CHL1: variants seen among roughly 807,000 people sequenced by gnomAD.
CHL1 encodes the protein cell adhesion molecule L1 like.
Under a neutral mutation model 141.9 loss-of-function variants are expected in CHL1, and 96 were observed. The ratio of observed to expected loss-of-function variants is 0.68; its 90% CI spans 0.57 to 0.80. The LOEUF is 0.80. Among genes scored for constraint, CHL1 ranks in the 30% least tolerant of loss-of-function variants. The pLI, the probability that CHL1 is intolerant of heterozygous loss-of-function variation, is 0.00. For missense variants in CHL1, 1,820 were observed against 1,457.2 expected (o/e 1.25, Z -4.05); for synonymous variants, 613 against 502.2 (o/e 1.22, Z -2.95).
chr3:405,459 A>G, intron 27 of CHL1, 36 bp from the exon 28 acceptor site: 1 of 1,359,592 alleles, frequency 7.4e-7, no homozygotes, highest in Non-Finnish European at 1.0e-6. Flanking sequence ...TTAATATTAG[A>G]TTTTGTTGAG....
intron 2 of CHL1, among the ~76,000 whole-genome samples, chr3:297,100 C>T (rs1001164023): frequency 6.6e-6 from 1 of 151,992 alleles, no homozygotes; most frequent in Non-Finnish European, 1.5e-5. Flanking sequence ...GTGGTGCGCA[C>T]CTGTAGTCCC....
intron 1 of CHL1, among the ~76,000 whole-genome samples, chr3:235,963 C>T (rs916600671): frequency 6.6e-6 from 1 of 152,154 alleles, no homozygotes; most frequent in Non-Finnish European, 1.5e-5. Flanking sequence ...TTTTAAGTTT[C>T]ATGATTTGGT....
chr3:284,980 C>T (rs78727710), intron 2 of CHL1, among the ~76,000 whole-genome samples: 4,362 of 152,140 alleles, frequency 0.029, 93 homozygotes, highest in Non-Finnish European at 0.041. Context: ...ATGAATATTT[C>T]CCTTATAAAT....
intron 2 of CHL1, among the ~76,000 whole-genome samples, chr3:273,344 G>A (rs1695805880): frequency 6.6e-6 from 1 of 152,144 alleles, no homozygotes; most frequent in African/African-American, 2.4e-5. Context: ...CCAAAGGAGA[G>A]TTCCTTACCC....
chr3:205,445 A>G lies in CHL1; in HGVS notation c.-175+8382A>G, dbSNP rs558141778. ...TCCTTTTTTGGAAGAAAAGAGCAAC[A>G]TTGTATAACTGATAGTGAATTGTTT... On this transcript the variant is annotated intron_variant, in intron 1 of 27. Coordinates refer to ENST00000256509, the MANE Select transcript of CHL1 (RefSeq NM_006614.4). 2.6e-5 allele frequency among the ~76,000 whole-genome samples: 4 copies of G among 152,254 alleles called. No homozygotes were observed. In the South Asian group the frequency reaches 8.3e-4, roughly 32 times the overall value.
chr3:215,868 A>G (rs1423340133), intron 1 of CHL1, among the ~76,000 whole-genome samples: 1 of 152,082 alleles, frequency 6.6e-6, no homozygotes, highest in South Asian at 2.1e-4. Context: ...AGTGAAATTT[A>G]TTTCTGAGTT....
In CHL1 at chr3:328,362, C is replaced by G; in HGVS notation, c.385+8C>G. 2 of 1,596,670 alleles carry G rather than the reference C, an allele frequency of 1.3e-6. No individual in the cohort carries two copies. The highest frequency in any genetic ancestry group is 1.7e-6 in the Non-Finnish European group (2 of 1,170,614). On this transcript the variant is annotated splice_region_variant and intron_variant, in intron 5 of 27. Coordinates refer to ENST00000256509, the MANE Select transcript of CHL1 (RefSeq NM_006614.4). ...TAGAATTTATAGTTCCAAGTAAGTACTATAACGGGAATTTCATTTTACAAG... is the reference window on the plus strand; with the variant it reads ...TAGAATTTATAGTTCCAAGTAAGTAGTATAACGGGAATTTCATTTTACAAG...
intron 10 of CHL1, among the ~76,000 whole-genome samples, chr3:354,335 T>G (rs1211851050): frequency 6.6e-6 from 1 of 152,146 alleles, no homozygotes; most frequent in Non-Finnish European, 1.5e-5. Context: ...CATTTTTTCC[T>G]AGTGGGGTAG....
intron 15 of CHL1, among the ~76,000 whole-genome samples, chr3:374,522 A>G (rs1479327839): frequency 6.6e-6 from 1 of 152,156 alleles, no homozygotes; most frequent in East Asian, 1.9e-4. Flanking sequence ...CAGAAGCCCT[A>G]AGCAACCTTT....
intron 23 of CHL1, among the ~76,000 whole-genome samples, chr3:392,974 G>C (rs1450824907): frequency 6.6e-6 from 1 of 152,170 alleles, no homozygotes; most frequent in African/African-American, 2.4e-5. Context: ...GAGTCAAGTA[G>C]TAAAATAAGT....
intron 16 of CHL1, 54 bp downstream of exon 16, chr3:377,996 C>G: frequency 6.7e-7 from 1 of 1,485,548 alleles, no homozygotes; most frequent in Non-Finnish European, 9.1e-7. Context: ...CTGATTAAAT[C>G]CCATCGTTCC....
At chr3:264,456 T>C (rs1352675210) in intron 2 of CHL1, among the ~76,000 whole-genome samples, 1 of 152,180 alleles carries the variant, frequency 6.6e-6, no homozygotes, top group Non-Finnish European at 1.5e-5. Flanking sequence ...ACAATGAGAA[T>C]ACTTGCTGGG....
Position 408,947 on chromosome 3 carries a change from G to A in CHL1, c.*3236G>A, listed in dbSNP as rs1330610055. ...TATTTTTTTCCTATTTTATACTCAT[G>A]GAAGAGATAAGCTAAAGAGGGGACA... On this transcript the variant is annotated 3_prime_UTR_variant, in exon 28 of 28. Transcript: ENST00000256509. 1 of 152,046 alleles carries A rather than the reference G, an allele frequency of 6.6e-6. No homozygotes were observed. Among genetic ancestry groups the A allele is most frequent in the African/African-American group, 2.4e-5 (1 of 41,422 alleles). The allele number at this position is 152,046 out of a possible 1,614,324, so 9.4% of individuals were successfully genotyped here.
At chr3:324,416 T>C (rs1378397649) in intron 3 of CHL1, among the ~76,000 whole-genome samples, 1 of 152,086 alleles carries the variant, frequency 6.6e-6, no homozygotes, top group Non-Finnish European at 1.5e-5. Flanking sequence ...GTACTAAAAC[T>C]GGGATGTCTC....
At chr3:227,901 G>A (rs1337708119) in intron 1 of CHL1, among the ~76,000 whole-genome samples, 1 of 152,216 alleles carries the variant, frequency 6.6e-6, no homozygotes. Context: ...GGGAGACTAT[G>A]AGATGATAAC....
intron 1 of CHL1, among the ~76,000 whole-genome samples, chr3:231,575 CTTTTTTT>C (rs5845954): frequency 3.5e-4 from 35 of 100,556 alleles, no homozygotes; most frequent in African/African-American, 1.1e-3. Flanking sequence ...TTATTTCTTC[CTTTTTTT>C]TTTTTTTTTT....
intron 11 of CHL1, among the ~76,000 whole-genome samples, chr3:355,953 A>C (rs1408955401): frequency 6.6e-6 from 1 of 152,212 alleles, no homozygotes; most frequent in Admixed American, 6.5e-5. Flanking sequence ...TGGGATAAAA[A>C]TAACACTGAC....
intron 18 of CHL1, 157 bp downstream of exon 18, chr3:382,828 A>T (rs1418747445): frequency 3.0e-6 from 2 of 666,786 alleles, no homozygotes. Context: ...TTCAAAGCAC[A>T]CAAGTTTCAG....
At chr3:378,116 A>C (rs1284173058) in intron 16 of CHL1, among the ~76,000 whole-genome samples, 174 bp downstream of exon 16, 1 of 152,210 alleles carries the variant, frequency 6.6e-6, no homozygotes, top group East Asian at 1.9e-4. Flanking sequence ...TTTCATATAA[A>C]AGAAATTAAT....
Sources: gnomAD v4.1 joint callset for allele counts (sites outside exome capture counted in the v4.1 genomes callset) on GRCh38, gnomAD v4.1.1 for gene constraint, MANE v1.5 for transcripts, NCBI Gene and HGNC (gene_info 2026-07-23, HGNC 2026-07-21) for gene names.